INTS3: variants seen among roughly 807,000 people sequenced by gnomAD.
INTS3 encodes the protein SOSS complex subunit A.
INTS3 carries 34 observed loss-of-function variants against 146.3 expected under a neutral mutation model. The observed-to-expected ratio is 0.23, with a 90% CI of 0.18 to 0.31. The LOEUF (loss-of-function observed/expected upper bound fraction) is 0.31. INTS3 is among the 10% of genes least tolerant of loss of function. INTS3 has a pLI of 1.00. For synonymous variants in INTS3, 475 were observed against 494.9 expected (o/e 0.96, Z 0.53); for missense variants, 757 against 1,304.2 (o/e 0.58, Z 6.46).
intron 10 of INTS3, among the ~76,000 whole-genome samples, chr1:153,758,173 C>T (rs1672231571): frequency 1.3e-5 from 2 of 152,208 alleles, no homozygotes. Context: ...GTAAATGCAG[C>T]GAATCTGCAG....
At chr1:153,736,761 C>CTT (rs5777880) in intron 1 of INTS3, among the ~76,000 whole-genome samples, 2,394 of 94,020 alleles carry the variant, frequency 0.025, 195 homozygotes, top group African/African-American at 0.088. Context: ...GTCTTTCATT[C>CTT]TTTTTTTTTT....
intron 25 of INTS3, among the ~76,000 whole-genome samples, chr1:153,770,973 C>G (rs967330345): frequency 6.6e-6 from 1 of 152,124 alleles, no homozygotes; most frequent in African/African-American, 2.4e-5. Flanking sequence ...AGGTGGGGAC[C>G]GGACATCCCT....
intron 7 of INTS3, 98 bp from the exon 8 acceptor site, chr1:153,752,181 C>A: frequency 8.4e-7 from 1 of 1,197,076 alleles, no homozygotes; most frequent in Non-Finnish European, 1.2e-6. Flanking sequence ...CTTTCCTTCC[C>A]TCCCTAGAAC....
At chr1:153,770,100 TGTG>T in intron 23 of INTS3, 95 bp from the exon 24 acceptor site, 1 of 409,100 alleles carries the variant, frequency 2.4e-6, no homozygotes, top group East Asian at 5.3e-5. Context: ...TGTGTGTGTG[TGTG>T]CTGGTAGTCA....
chr1:153,755,056 T>G (rs544262621), intron 9 of INTS3, among the ~76,000 whole-genome samples: 2 of 152,294 alleles, frequency 1.3e-5, no homozygotes, highest in African/African-American at 4.8e-5. Context: ...GTGTGAAATA[T>G]TCTATAAAGG....
intron 3 of INTS3, among the ~76,000 whole-genome samples, chr1:153,744,042 TGTGTGTGTGTGTGTGTGTG>T (rs1671637344): frequency 6.6e-5 from 2 of 30,404 alleles, no homozygotes; most frequent in East Asian, 2.4e-3. Flanking sequence ...CATGTGCGTG[TGTGTGTGTGTGTGTGTGTG>T]TGTGTGTGTG....
At chr1:153,761,530 A>G in intron 13 of INTS3, 40 bp from the exon 14 acceptor site, 1 of 1,380,102 alleles carries the variant, frequency 7.2e-7, no homozygotes. Context: ...TAAAAATAAG[A>G]GAAGCTCTGA....
Position 153,729,049 on chromosome 1 carries a change from T to A in INTS3, c.150+265T>A, listed in dbSNP as rs185834657. ...AAGGAAGGGATACAACATCCAGGTTTACCGAATTTATTTTTGACATTCCTT... is the reference window on the plus strand; with the variant it reads ...AAGGAAGGGATACAACATCCAGGTTAACCGAATTTATTTTTGACATTCCTT... On this transcript the variant is annotated intron_variant, in intron 1 of 29. Transcript: ENST00000318967. Among the ~76,000 whole-genome samples the A allele has an allele frequency of 1.4e-3, 218 of 152,334 alleles. 2 individuals carry two copies. The highest frequency in any genetic ancestry group is 7.6e-3 in the Admixed American group (117 of 15,300).
chr1:153,764,608 G>T, intron 18 of INTS3, 82 bp from the exon 19 acceptor site: 2 of 1,011,234 alleles, frequency 2.0e-6, no homozygotes, highest in Non-Finnish European at 3.2e-6. Flanking sequence ...GGAGCAGGCT[G>T]GTGTCTAGCC....
intron 14 of INTS3, among the ~76,000 whole-genome samples, chr1:153,762,493 A>T (rs560685120): frequency 3.9e-5 from 6 of 152,312 alleles, no homozygotes; most frequent in Non-Finnish European, 7.4e-5. Flanking sequence ...TGAGCTGAGC[A>T]TAGAGGAGTC....
Position 153,757,594 on chromosome 1 carries a change from G to A in INTS3, c.980G>A (p.Arg327Gln), listed in dbSNP as rs1416692572. Residue 327 changes from arginine to glutamine, a missense_variant, in exon 10 of 30, where the codon CGA becomes CAA. Around this residue, in one of 8 missense-constraint regions of INTS3, gnomAD observed 134 missense variants for 243.1 expected, o/e 0.55. Transcript: ENST00000318967. This position sits in a 1 kb window ranked among gnomAD's most constrained non-coding sequence, Gnocchi z 4.0. ...CAGGTGCGATTTGGTCAACAAAAGC[G>A]ATACCAAGATTGGTTCCAGCGCCAG... ...TSRVRFGQQK[R>Q]YQDWFQRQYL... The A allele has an allele frequency of 1.2e-6, 2 of 1,613,870 alleles. No homozygotes were observed. The highest frequency in any genetic ancestry group is 1.7e-6 in the Non-Finnish European group (2 of 1,179,786).
intron 3 of INTS3, among the ~76,000 whole-genome samples, chr1:153,743,227 C>T (rs549854963): frequency 6.6e-6 from 1 of 152,304 alleles, no homozygotes; most frequent in East Asian, 1.9e-4. Context: ...TCATTTTAGG[C>T]TTCAGCTTAA....
At chr1:153,751,396 A>AGGGG (rs1405061144) in intron 7 of INTS3, among the ~76,000 whole-genome samples, 157 bp downstream of exon 7, 1 of 152,130 alleles carries the variant, frequency 6.6e-6, no homozygotes, top group Non-Finnish European at 1.5e-5. Flanking sequence ...GGTAGAAAGG[A>AGGGG]GGGGGAGTTA....
Position 153,728,157 on chromosome 1 carries a change from G to T in INTS3, c.-478G>T. On this transcript the variant is annotated 5_prime_UTR_variant, in exon 1 of 30. The change creates a new upstream start codon in the 5' untranslated region. Coordinates refer to ENST00000318967, the MANE Select transcript of INTS3 (RefSeq NM_023015.5). ...CTTATTGCCTCACCCTCACCCCCTA[G>T]GGGCCGGATCCAAAGGCGCTGCACT... 1 of 397,378 alleles carries T rather than the reference G, an allele frequency of 2.5e-6. No homozygotes were observed. Among genetic ancestry groups the T allele is most frequent in the South Asian group, 1.3e-4 (1 of 7,970 alleles). The allele number at this position is 397,378 out of a possible 1,614,324, so 24.6% of individuals were successfully genotyped here.
chr1:153,755,333 G>A (rs1372407609), intron 9 of INTS3, among the ~76,000 whole-genome samples: 4 of 152,184 alleles, frequency 2.6e-5, no homozygotes, highest in Middle Eastern at 3.4e-3. Context: ...GCGCGATCTC[G>A]GCTCTCCGCA....
intron 1 of INTS3, among the ~76,000 whole-genome samples, chr1:153,731,828 G>A (rs1187761826): frequency 1.4e-5 from 2 of 147,454 alleles, no homozygotes; most frequent in Non-Finnish European, 1.5e-5. Flanking sequence ...CTCATGATCC[G>A]CCCACCTCGG....
At chr1:153,771,042 C>G (rs1672836416) in intron 25 of INTS3, among the ~76,000 whole-genome samples, 1 of 152,076 alleles carries the variant, frequency 6.6e-6, no homozygotes, top group Non-Finnish European at 1.5e-5. Flanking sequence ...GCCGCGCCCC[C>G]CCCACCGCCC....
At position 153,772,457 on chromosome 1, in the gene INTS3, C is replaced by T. The variant is rs753022366; in HGVS notation, c.2821+17C>T. The T allele has an allele frequency of 8.1e-6, 13 of 1,614,182 alleles. No individual in the cohort carries two copies. The highest frequency in any genetic ancestry group is 2.2e-5 in the East Asian group (1 of 44,884). On this transcript the variant is annotated intron_variant, in intron 27 of 29. Transcript: ENST00000318967. This position sits in a 1 kb window ranked among gnomAD's most constrained non-coding sequence, Gnocchi z 4.6. ...AGCAGAACTGTATGCCTTCCACCCT[C>T]GGCGTCCAGTGTAGACGGTGCTGCC...
intron 3 of INTS3, among the ~76,000 whole-genome samples, chr1:153,744,676 GTC>G (rs1156755435): frequency 1.3e-5 from 2 of 152,200 alleles, no homozygotes; most frequent in Non-Finnish European, 1.5e-5. Flanking sequence ...TCTGTTAGGA[GTC>G]TCTCAAGGCT....
Sources: gnomAD v4.1 joint callset for allele counts (sites outside exome capture counted in the v4.1 genomes callset) on GRCh38, gnomAD v4.1.1 for gene constraint, gnomAD v4.1.1 regional missense constraint, Gnocchi (gnomAD v3.1) non-coding constraint, MANE v1.5 for transcripts, NCBI Gene and HGNC (gene_info 2026-07-23, HGNC 2026-07-21) for gene names.